Variants in LMOD1 observed in about 807,000 individuals in gnomAD.
LMOD1 encodes leiomodin-1.
Under a neutral mutation model 36.5 loss-of-function variants are expected in LMOD1, and 8 were observed. The observed-to-expected ratio is 0.22, with a 90% confidence interval of 0.13 to 0.40. LMOD1 has a LOEUF of 0.40. LMOD1 is among the 10% of genes least tolerant of loss of function. The pLI is 1.00. For missense variants in LMOD1, 630 were observed against 751.1 expected, an observed-to-expected ratio of 0.84 and a Z score of 1.88; for synonymous variants, 284 against 288.7, an observed-to-expected ratio of 0.98 and a Z score of 0.17.
At position 201,924,642 on chromosome 1, in the gene LMOD1, A is replaced by G. The variant is rs113626110; in HGVS notation, c.261+21438T>C. On this transcript the variant is annotated intron_variant, in intron 1 of 2. Transcript: ENST00000367288. The stretch of plus-strand genomic sequence containing the variant: ...AGAAGAAAGAAAGGAAGAATAAAGA[A>G]AGAAAGAGAGAAAGAAAGAAAAAAA... Among the ~76,000 whole-genome samples the G allele has an allele frequency of 9.3e-4, 89 of 95,702 alleles. 1 individual carries two copies. Among genetic ancestry groups the G allele is most frequent in the South Asian group, 3.8e-3 (10 of 2,608 alleles). The allele number at this position is 95,702 out of a possible 152,430, so 62.8% of individuals were successfully genotyped here.
chr1:201,901,221 A>T (rs900612453), intron 1 of LMOD1, among the ~76,000 whole-genome samples: 2 of 151,900 alleles, frequency 1.3e-5, no homozygotes, highest in African/African-American at 4.8e-5. Context: ...AATATACATG[A>T]AGTCCGGGCG....
At chr1:201,915,610 C>T (rs919946283) in intron 1 of LMOD1, among the ~76,000 whole-genome samples, 1 of 152,158 alleles carries the variant, frequency 6.6e-6, no homozygotes, top group African/African-American at 2.4e-5. Context: ...CCCCTCTGCA[C>T]CCCGCTCTGC....
intron 1 of LMOD1, among the ~76,000 whole-genome samples, chr1:201,940,495 C>G (rs1682095839): frequency 6.6e-6 from 1 of 151,924 alleles, no homozygotes; most frequent in Non-Finnish European, 1.5e-5. Context: ...TAACCAAGCT[C>G]TTATACCTAC....
intron 1 of LMOD1, among the ~76,000 whole-genome samples, chr1:201,909,744 C>A (rs1681462992): frequency 6.6e-6 from 1 of 152,214 alleles, no homozygotes; most frequent in South Asian, 2.1e-4. Context: ...GCCCCAGGTG[C>A]CTCTCATCCA....
At chr1:201,937,370 T>C (rs550562289) in intron 1 of LMOD1, among the ~76,000 whole-genome samples, 24 of 151,748 alleles carry the variant, frequency 1.6e-4, no homozygotes, top group African/African-American at 5.8e-4. Flanking sequence ...TCCCTTGAGC[T>C]CAGGAGTTTG....
rs948987625 is a variant in LMOD1 at position 201,946,462 on chromosome 1, G to C, written c.-122C>G. On this transcript the variant is annotated 5_prime_UTR_variant, in exon 1 of 3. Transcript: ENST00000367288. The stretch of plus-strand genomic sequence containing the variant: ...AGGAGCAAACCTCCTGCTGGTCGAG[G>C]ACTGCAGCTCCTTGGCCCTTCTGTG... 4 of 998,808 alleles carry C rather than the reference G, an allele frequency of 4.0e-6. No individual in the cohort carries two copies. In the African/African-American group the frequency reaches 6.4e-5, roughly 16 times the overall value. 61.9% of individuals were successfully genotyped at this position (998,808 alleles called of 1,614,324 possible). A position where few individuals can be genotyped will look rare whatever the true frequency, so the allele number is the denominator to read the frequency against.
At position 201,899,223 on chromosome 1, in the gene LMOD1, C is replaced by T. The variant is rs948722791; in HGVS notation, c.1776+14G>A. The T allele has an allele frequency of 6.4e-7, 1 of 1,566,590 alleles. No homozygotes were observed. Among genetic ancestry groups the T allele is most frequent in the Non-Finnish European group, 8.7e-7 (1 of 1,153,182 alleles). On this transcript the variant is annotated intron_variant, in intron 2 of 2. Transcript: ENST00000367288. This position sits in a 1 kb window ranked among gnomAD's most constrained non-coding sequence, Gnocchi z 6.3. ...CCAGCCCCGCCCTGTTGGCTCATGC[C>T]CACAACTACTTAACTTCTTGAGCTG...
intron 1 of LMOD1, among the ~76,000 whole-genome samples, chr1:201,902,714 G>T (rs528536298): frequency 6.6e-6 from 1 of 152,182 alleles, no homozygotes; most frequent in South Asian, 2.1e-4. Flanking sequence ...CAAAGTGCTG[G>T]GATTACAGGC....
chr1:201,915,174 G>A (rs992417306), intron 1 of LMOD1, among the ~76,000 whole-genome samples: 4 of 152,050 alleles, frequency 2.6e-5, no homozygotes, highest in Non-Finnish European at 2.9e-5. Context: ...GGTTTCCACC[G>A]CAGCCTTCAT....
At chr1:201,942,817 A>C (rs1558244985) in intron 1 of LMOD1, among the ~76,000 whole-genome samples, 1 of 152,056 alleles carries the variant, frequency 6.6e-6, no homozygotes, top group Non-Finnish European at 1.5e-5. Flanking sequence ...ATCTATATAT[A>C]CCCCCACCCA....
At chr1:201,940,724 C>T (rs1682100158) in intron 1 of LMOD1, among the ~76,000 whole-genome samples, 1 of 148,720 alleles carries the variant, frequency 6.7e-6, no homozygotes, top group African/African-American at 2.5e-5. Flanking sequence ...AGCTGGACTA[C>T]AGGCATGCAC....
intron 1 of LMOD1, among the ~76,000 whole-genome samples, chr1:201,930,576 A>AATTT (rs1197780121): frequency 2.6e-5 from 4 of 152,192 alleles, no homozygotes; most frequent in Non-Finnish European, 4.4e-5. Flanking sequence ...GACGATGATT[A>AATTT]ATTTATTTGC....
rs1682207182 is a variant in LMOD1 at position 201,946,148 on chromosome 1, G to A, written c.193C>T (p.Arg65Trp). 1.2e-6 allele frequency: 2 copies of A among 1,613,906 alleles called. No homozygotes were observed. The highest frequency in any genetic ancestry group is 4.5e-5 in the East Asian group (2 of 44,874). Residue 65 changes from arginine to tryptophan, a missense_variant, in exon 1 of 3, where the codon CGG becomes TGG. Around this residue, in one of 3 missense-constraint regions of LMOD1, gnomAD observed 405 missense variants for 400.6 expected, o/e 1.01. Coordinates refer to ENST00000367288, the MANE Select transcript of LMOD1 (RefSeq NM_012134.3). ...TEKQSTGVYN[R>W]EAMLNFCEKE... The stretch of plus-strand genomic sequence containing the variant: ...TCACAGAAGTTGAGCATGGCCTCCC[G>A]GTTGTACACACCCGTGGACTGTTTC...
chr1:201,943,403 C>T (rs1487750627), intron 1 of LMOD1, among the ~76,000 whole-genome samples: 1 of 152,258 alleles, frequency 6.6e-6, no homozygotes, highest in Admixed American at 6.5e-5. Flanking sequence ...TCTTGCTTTA[C>T]TCTCTGTTTT....
At chr1:201,903,267 G>C (rs1681360218) in intron 1 of LMOD1, among the ~76,000 whole-genome samples, 1 of 152,242 alleles carries the variant, frequency 6.6e-6, no homozygotes, top group South Asian at 2.1e-4. Context: ...TCCTCTGCTA[G>C]AATCACAATA....
At position 201,946,532 on chromosome 1, in the gene LMOD1, G is replaced by A. The variant is rs1682216568; in HGVS notation, c.-192C>T. ...CACTGGACGCAGCAGCCTCCCTGAA[G>A]CCCAGGGCTAGTGGACCCCGGCTGG... On this transcript the variant is annotated 5_prime_UTR_variant, in exon 1 of 3. Coordinates refer to ENST00000367288, the MANE Select transcript of LMOD1 (RefSeq NM_012134.3). 1.5e-5 allele frequency: 9 copies of A among 606,202 alleles called. No individual in the cohort carries two copies. In the South Asian group the frequency reaches 1.9e-4, roughly 13 times the overall value. The allele number at this position is 606,202 out of a possible 1,614,324, so 37.6% of individuals were successfully genotyped here. A position where few individuals can be genotyped will look rare whatever the true frequency, so the allele number is the denominator to read the frequency against.
chr1:201,936,691 C>T (rs1479345182), intron 1 of LMOD1, among the ~76,000 whole-genome samples: 3 of 152,138 alleles, frequency 2.0e-5, no homozygotes, highest in Non-Finnish European at 4.4e-5. Flanking sequence ...AATCCCAACA[C>T]TTTGGGAGAC....
chr1:201,942,303 A>G (rs987789328), intron 1 of LMOD1, among the ~76,000 whole-genome samples: 1 of 152,172 alleles, frequency 6.6e-6, no homozygotes, highest in African/African-American at 2.4e-5. Flanking sequence ...TGATTATACA[A>G]AAGTCATGTC....
chr1:201,901,551 T>TATATATGTGTATATATATATATATAC (rs1558234661), intron 1 of LMOD1, among the ~76,000 whole-genome samples: 4 of 44,656 alleles, frequency 9.0e-5, no homozygotes, highest in Non-Finnish European at 1.0e-4. Flanking sequence ...TATATATATA[T>TATATATGTGTATATATATATATATAC]ACATATATAT....
Sources: allele counts gnomAD v4.1 joint callset (sites outside exome capture counted in the v4.1 genomes callset), GRCh38; gene constraint gnomAD v4.1.1; regional missense constraint gnomAD v4.1.1; non-coding constraint Gnocchi (gnomAD v3.1); transcripts MANE v1.5; gene names NCBI Gene and HGNC (gene_info 2026-07-23, HGNC 2026-07-21).